CNTNAP2: variants seen among roughly 807,000 people sequenced by gnomAD.
The protein encoded by CNTNAP2 is contactin associated protein 2.
Under a neutral mutation model 155.2 loss-of-function variants are expected in CNTNAP2, and 98 were observed. The observed-to-expected ratio is 0.63, with a 90% CI of 0.54 to 0.75. CNTNAP2 has a LOEUF of 0.75. Among genes scored for constraint, CNTNAP2 ranks in the 30% least tolerant of loss-of-function variants. The pLI is 0.00. For synonymous variants in CNTNAP2, 651 were observed against 631.2 expected, an observed-to-expected ratio of 1.03 and a Z score of -0.47; for missense variants, 1,727 against 1,688.1, an observed-to-expected ratio of 1.02 and a Z score of -0.40.
Position 148,417,558 on chromosome 7 carries a change from G to A in CNTNAP2, c.*1942G>A, listed in dbSNP as rs1006736302. On this transcript the variant is annotated 3_prime_UTR_variant, in exon 24 of 24. Transcript: ENST00000361727. Reference sequence around the variant, plus strand: ...AAATACTTAATATCACTAAATATCAGAACAATGTAACATTTACAAATGACA... The same window carrying A: ...AAATACTTAATATCACTAAATATCAAAACAATGTAACATTTACAAATGACA... The A allele has an allele frequency of 9.2e-5, 14 of 152,268 alleles. No homozygotes were observed. The highest frequency in any genetic ancestry group is 5.2e-4 in the Admixed American group (8 of 15,256). 9.4% of individuals were successfully genotyped at this position (152,268 alleles called of 1,614,324 possible).
At chr7:147,631,724 G>T (rs1008663931) in intron 12 of CNTNAP2, among the ~76,000 whole-genome samples, 1 of 152,068 alleles carries the variant, frequency 6.6e-6, no homozygotes, top group African/African-American at 2.4e-5. Flanking sequence ...AAAACATTAA[G>T]TGGGGAAAGG....
At chr7:146,195,435 C>G (rs1798761743) in intron 1 of CNTNAP2, among the ~76,000 whole-genome samples, 1 of 152,118 alleles carries the variant, frequency 6.6e-6, no homozygotes. Flanking sequence ...TTTAAAATTG[C>G]TTTCATTCTT....
chr7:148,100,631 C>A (rs1013124786), intron 15 of CNTNAP2, among the ~76,000 whole-genome samples: 2 of 152,146 alleles, frequency 1.3e-5, no homozygotes, highest in African/African-American at 4.8e-5. Flanking sequence ...ATACAATGGA[C>A]AATTTACATA....
At chr7:146,964,149 G>A (rs1420033684) in intron 3 of CNTNAP2, among the ~76,000 whole-genome samples, 2 of 152,124 alleles carry the variant, frequency 1.3e-5, no homozygotes, top group African/African-American at 4.8e-5. Flanking sequence ...CATAGCCTTA[G>A]TCCACTGTTT....
chr7:147,023,695 C>T lies in CNTNAP2; in HGVS notation c.403-20212C>T, dbSNP rs112346580. ...ATCTGCCACTCTTCAGCCAAAACTC[C>T]TAGTTACTCCTGATGACTTCTAGGC... On this transcript the variant is annotated intron_variant, in intron 3 of 23. Coordinates refer to ENST00000361727, the MANE Select transcript of CNTNAP2 (RefSeq NM_014141.6). 7.2e-4 allele frequency among the ~76,000 whole-genome samples: 109 copies of T among 152,302 alleles called. 1 individual carries two copies. In the South Asian group the frequency reaches 8.5e-3, roughly 12 times the overall value.
chr7:147,997,010 A>G (rs1390117399), intron 15 of CNTNAP2, among the ~76,000 whole-genome samples: 1 of 152,218 alleles, frequency 6.6e-6, no homozygotes, highest in Non-Finnish European at 1.5e-5. Context: ...CAGAGAGCTT[A>G]TTGGCCCTTT....
chr7:146,660,052 A>G (rs1800060573), intron 1 of CNTNAP2, among the ~76,000 whole-genome samples: 1 of 152,182 alleles, frequency 6.6e-6, no homozygotes, highest in South Asian at 2.1e-4. Flanking sequence ...CATCCCTTTC[A>G]CCTGAACATA....
intron 9 of CNTNAP2, among the ~76,000 whole-genome samples, chr7:147,301,349 A>G (rs554628076): frequency 1.3e-5 from 2 of 152,302 alleles, no homozygotes; most frequent in South Asian, 4.1e-4. Flanking sequence ...ATGAGGACAT[A>G]TTTTATTAAA....
chr7:147,782,132 G>A (rs1339999806), intron 13 of CNTNAP2, among the ~76,000 whole-genome samples: 1 of 151,954 alleles, frequency 6.6e-6, no homozygotes, highest in African/African-American at 2.4e-5. Flanking sequence ...TACCCAATCA[G>A]AAGATTATAG....
At chr7:148,414,327 G>A (rs1159460298) in intron 23 of CNTNAP2, among the ~76,000 whole-genome samples, 4 of 151,994 alleles carry the variant, frequency 2.6e-5, no homozygotes, top group African/African-American at 7.3e-5. Context: ...TAATCCGCCC[G>A]CCTCAGCCTC....
intron 10 of CNTNAP2, among the ~76,000 whole-genome samples, chr7:147,445,596 A>C (rs1797720794): frequency 6.6e-6 from 1 of 152,224 alleles, no homozygotes; most frequent in Non-Finnish European, 1.5e-5. Context: ...AACAAATGTT[A>C]GTTGTCATTC....
chr7:147,863,087 C>A (rs1007884307), intron 13 of CNTNAP2, among the ~76,000 whole-genome samples: 3 of 152,132 alleles, frequency 2.0e-5, no homozygotes, highest in African/African-American at 7.2e-5. Context: ...CCCAGGCCCC[C>A]ACTCCCTGAC....
At chr7:147,110,983 C>T (rs1258817142) in intron 5 of CNTNAP2, among the ~76,000 whole-genome samples, 1 of 152,138 alleles carries the variant, frequency 6.6e-6, no homozygotes, top group Admixed American at 6.5e-5. Flanking sequence ...CTAATTTCCC[C>T]TCCCACCAAC....
At chr7:146,668,447 T>G (rs1001625415) in intron 1 of CNTNAP2, among the ~76,000 whole-genome samples, 4 of 149,106 alleles carry the variant, frequency 2.7e-5, no homozygotes, top group Non-Finnish European at 6.0e-5. Context: ...TGTGTGTGTG[T>G]GTGTGTGTGT....
intron 10 of CNTNAP2, among the ~76,000 whole-genome samples, chr7:147,403,107 T>C (rs1443323772): frequency 2.0e-5 from 3 of 152,188 alleles, no homozygotes; most frequent in Non-Finnish European, 2.9e-5. Context: ...TTCATCTGGA[T>C]GATCAAAGTT....
At chr7:147,532,820 A>T (rs1419984711) in intron 11 of CNTNAP2, among the ~76,000 whole-genome samples, 1 of 152,144 alleles carries the variant, frequency 6.6e-6, no homozygotes, top group Non-Finnish European at 1.5e-5. Flanking sequence ...CTTATTTACT[A>T]TCACAAGAAT....
intron 1 of CNTNAP2, among the ~76,000 whole-genome samples, chr7:146,751,908 G>C (rs1466885564): frequency 6.6e-6 from 1 of 152,106 alleles, no homozygotes; most frequent in East Asian, 1.9e-4. Context: ...AGTTTGCTGA[G>C]AATGACGGCT....
At chr7:147,601,492 C>G (rs1231668995) in intron 12 of CNTNAP2, among the ~76,000 whole-genome samples, 1 of 151,788 alleles carries the variant, frequency 6.6e-6, no homozygotes, top group Non-Finnish European at 1.5e-5. Context: ...ATGAACAGGC[C>G]ATTTTCACGT....
intron 21 of CNTNAP2, among the ~76,000 whole-genome samples, chr7:148,355,500 A>G (rs539205400): frequency 1.3e-5 from 2 of 152,190 alleles, no homozygotes; most frequent in South Asian, 4.2e-4. Context: ...ACTCAATATA[A>G]TCCCACCCAG....
Sources: gnomAD v4.1 joint callset for allele counts (sites outside exome capture counted in the v4.1 genomes callset) on GRCh38, gnomAD v4.1.1 for gene constraint, MANE v1.5 for transcripts, NCBI Gene and HGNC (gene_info 2026-07-23, HGNC 2026-07-21) for gene names.